The following SLC28A3 variants were observed in gnomAD, a reference collection of about 807,000 sequenced individuals.
SLC28A3 encodes the protein concentrative Na(+)-nucleoside cotransporter 3.
In SLC28A3, 68 loss-of-function variants were observed where a neutral mutation model predicts 84.2. The observed-to-expected ratio is 0.81, with a 90% CI of 0.66 to 0.99. SLC28A3 has a LOEUF of 0.99. Ranked by LOEUF, SLC28A3 falls within the 50% of genes least tolerant of loss-of-function variation. The pLI, the probability that SLC28A3 is intolerant of heterozygous loss-of-function variation, is 0.00. For synonymous variants in SLC28A3, 267 were observed against 303.6 expected (o/e 0.88, Z 1.25); for missense variants, 712 against 841.5 (o/e 0.85, Z 1.90).
At chr9:84,339,159 G>A (rs182292332) in intron 1 of SLC28A3, among the ~76,000 whole-genome samples, 54 of 152,062 alleles carry the variant, frequency 3.6e-4, no homozygotes, top group Non-Finnish European at 6.8e-4. Flanking sequence ...ACTATTTGCC[G>A]TGCTTTGTTT....
At chr9:84,354,771 C>T in the SLC28A3 span, among the ~76,000 whole-genome samples, 1 of 151,524 alleles carries the variant, frequency 6.6e-6, no homozygotes, top group Non-Finnish European at 1.5e-5. Context: ...CGCTTGAGCC[C>T]AGGAGGCAGA....
intron 1 of SLC28A3, among the ~76,000 whole-genome samples, chr9:84,321,460 G>A (rs529390684): frequency 3.3e-5 from 5 of 152,102 alleles, no homozygotes; most frequent in East Asian, 1.9e-4. Context: ...TAGGCGGGGC[G>A]CAGTGGCTCA....
At chr9:84,289,708 G>A (rs769289533) in intron 11 of SLC28A3, among the ~76,000 whole-genome samples, 3 of 152,222 alleles carry the variant, frequency 2.0e-5, no homozygotes, top group Non-Finnish European at 2.9e-5. Flanking sequence ...GGATCACAAC[G>A]ACTCAACTCT....
chr9:84,332,739 AT>A (rs923631697), intron 1 of SLC28A3, among the ~76,000 whole-genome samples: 1 of 152,204 alleles, frequency 6.6e-6, no homozygotes. Flanking sequence ...CGAAAAAAAA[AT>A]CTTCATGATT....
In SLC28A3 at chr9:84,280,817, G is replaced by A. The variant is rs1284149105; in HGVS notation, c.1713C>T (p.Ile571=). 3.1e-6 allele frequency: 5 copies of A among 1,614,004 alleles called. No individual in the cohort carries two copies. The highest frequency in any genetic ancestry group is 3.3e-5 in the Admixed American group (2 of 59,998). ...TTCACTTACTGAGTCCGCCGATCAC[G>A]ATTCCTAGGGACCCGATATTGGCAA... ...CGFANIGSLG[I]VIGGLTSMAP... Residue 571 remains isoleucine, a synonymous_variant, in exon 15 of 18, where the codon ATC becomes ATT. Coordinates refer to ENST00000376238, the MANE Select transcript of SLC28A3 (RefSeq NM_001199633.2).
chr9:84,351,566 A>G, the SLC28A3 span, among the ~76,000 whole-genome samples: 2 of 152,094 alleles, frequency 1.3e-5, no homozygotes, highest in African/African-American at 4.8e-5. Flanking sequence ...GGCTGAAGTG[A>G]GAAGATCACC....
chr9:84,335,965 C>T (rs1352599334), intron 1 of SLC28A3, among the ~76,000 whole-genome samples: 1 of 151,924 alleles, frequency 6.6e-6, no homozygotes, highest in Non-Finnish European at 1.5e-5. Flanking sequence ...CTGCCTTTAG[C>T]CTGGTTTGGA....
chr9:84,368,087 T>TG, the SLC28A3 span, among the ~76,000 whole-genome samples: 1 of 151,990 alleles, frequency 6.6e-6, no homozygotes, highest in Non-Finnish European at 1.5e-5. Flanking sequence ...GCTGTCTCAG[T>TG]GGGGGGAAAC....
chr9:84,340,737 T>C lies in SLC28A3; in HGVS notation c.-104A>G, dbSNP rs994399383. 5.5e-6 allele frequency: 7 copies of C among 1,264,164 alleles called. No individual in the cohort carries two copies. The highest frequency in any genetic ancestry group is 1.5e-5 in the African/African-American group (1 of 65,884). 78.3% of individuals were successfully genotyped at this position (1,264,164 alleles called of 1,614,324 possible). On this transcript the variant is annotated 5_prime_UTR_variant, in exon 1 of 18. Coordinates refer to ENST00000376238, the MANE Select transcript of SLC28A3 (RefSeq NM_001199633.2). ...AAAGCCACCTGCTGTTACAGGGACC[T>C]GGGCACAGCTTGCTTCAGTTTGGAA...
At chr9:84,308,354 T>C (rs1221456126) in intron 3 of SLC28A3, among the ~76,000 whole-genome samples, 1 of 152,176 alleles carries the variant, frequency 6.6e-6, no homozygotes, top group Non-Finnish European at 1.5e-5. Context: ...AAGACCAGCC[T>C]GGCCAACATG....
intron 1 of SLC28A3, among the ~76,000 whole-genome samples, chr9:84,324,365 C>T (rs1392702176): frequency 6.6e-6 from 1 of 152,072 alleles, no homozygotes; most frequent in East Asian, 1.9e-4. Context: ...AAGTTTTTTG[C>T]TGGGTGCCGT....
At chr9:84,343,270 G>T (rs1416581891), upstream of SLC28A3, among the ~76,000 whole-genome samples, 3 of 152,054 alleles carry the variant, frequency 2.0e-5, no homozygotes, top group Non-Finnish European at 2.9e-5. Flanking sequence ...CCAACCCTCC[G>T]TTTCTCTGGG....
intron 2 of SLC28A3, 133 bp downstream of exon 2, chr9:84,313,226 C>G: frequency 1.5e-6 from 1 of 673,134 alleles, no homozygotes; most frequent in Non-Finnish European, 2.5e-6. Context: ...TGCCCCCACA[C>G]ACTTTAATTA....
At position 84,290,223 on chromosome 9, in the gene SLC28A3, G is replaced by T; in HGVS notation, c.1080C>A (p.Leu360=). Residue 360 remains leucine, a synonymous_variant, in exon 11 of 18, where the codon CTC becomes CTA. Transcript: ENST00000376238. ...AGAACCCGGCGGTCATGATGGCGTG[G>T]AGTTCAGACTTGGTGATGTAAGGTA... ...PYLPYITKSE[L]HAIMTAGFST... is the part of the protein sequence containing the mutation. 1 of 1,614,104 alleles carries T rather than the reference G, an allele frequency of 6.2e-7. No homozygotes were observed. Among genetic ancestry groups the T allele is most frequent in the Non-Finnish European group, 8.5e-7 (1 of 1,179,982 alleles).
chr9:84,299,754 A>C, intron 5 of SLC28A3, 29 bp from the exon 6 acceptor site: 2 of 1,556,032 alleles, frequency 1.3e-6, no homozygotes, highest in South Asian at 1.2e-5. Flanking sequence ...AGGCATTGGC[A>C]TCATTTGTTG....
intron 1 of SLC28A3, among the ~76,000 whole-genome samples, chr9:84,314,905 C>T (rs1035323791): frequency 4.6e-5 from 7 of 152,028 alleles, no homozygotes; most frequent in East Asian, 1.9e-4. Flanking sequence ...GGTGAAACCC[C>T]GTCTCTACTA....
At position 84,285,995 on chromosome 9, in the gene SLC28A3, GAATTCATAA is replaced by G; in HGVS notation, c.1388_1396del (p.Phe463_Asn465del). On this transcript the variant is annotated inframe_deletion, in exon 13 of 18. Coordinates refer to ENST00000376238, the MANE Select transcript of SLC28A3 (RefSeq NM_001199633.2). Reference sequence around the variant, plus strand: ...CATGTTTCCAAACCAGGACAGGGCTGAATTCATAAAAGACAGCAGGGCCAGGAAGGCAAT... The same window carrying G: ...CATGTTTCCAAACCAGGACAGGGCTGAAGACAGCAGGGCCAGGAAGGCAAT... 6.2e-7 allele frequency: 1 copy of G among 1,614,094 alleles called. No homozygotes were observed. The highest frequency in any genetic ancestry group is 8.5e-7 in the Non-Finnish European group (1 of 1,180,000).
At chr9:84,357,125 C>G in the SLC28A3 span, among the ~76,000 whole-genome samples, 21 of 152,252 alleles carry the variant, frequency 1.4e-4, no homozygotes, top group African/African-American at 5.1e-4. Flanking sequence ...TTCATTGACA[C>G]AGCTCAAGCA....
At chr9:84,343,141 G>A (rs1180385788), upstream of SLC28A3, among the ~76,000 whole-genome samples, 2 of 151,550 alleles carry the variant, frequency 1.3e-5, no homozygotes, top group African/African-American at 2.4e-5. Flanking sequence ...TCGAGATCAC[G>A]CCACCGCACT....
Sources: gnomAD v4.1 joint callset for allele counts (sites outside exome capture counted in the v4.1 genomes callset) on GRCh38, gnomAD v4.1.1 for gene constraint, MANE v1.5 for transcripts, NCBI Gene and HGNC (gene_info 2026-07-23, HGNC 2026-07-21) for gene names.